TPTE2: variants seen among roughly 807,000 people sequenced by gnomAD.
TPTE2 encodes phosphatidylinositol 3,4,5-trisphosphate 3-phosphatase TPTE2.
In TPTE2, 53 loss-of-function variants were observed where a neutral mutation model predicts 78.6. The ratio of observed to expected loss-of-function variants is 0.67; its 90% CI spans 0.54 to 0.85. The LOEUF (loss-of-function observed/expected upper bound fraction) is 0.85, where lower values mean the gene tolerates loss of function less well. Among genes scored for constraint, TPTE2 ranks in the 40% least tolerant of loss-of-function variants. The probability of loss-of-function intolerance (pLI) is 0.00; values close to 1 mark genes in which losing one functional copy is unlikely to be tolerated. For synonymous variants in TPTE2, 175 were observed against 206.2 expected, an observed-to-expected ratio of 0.85 and a Z score of 1.30; for missense variants, 461 against 623.0, an observed-to-expected ratio of 0.74 and a Z score of 2.77.
At chr13:19,552,255 A>C in the TPTE2 span, among the ~76,000 whole-genome samples, 1 of 152,216 alleles carries the variant, frequency 6.6e-6, no homozygotes, top group African/African-American at 2.4e-5. Context: ...ATATATAGAA[A>C]ATTCACCAAG....
intron 13 of TPTE2, among the ~76,000 whole-genome samples, chr13:19,445,015 T>C (rs1224786923): frequency 2.0e-5 from 3 of 152,122 alleles, no homozygotes; most frequent in African/African-American, 7.2e-5. Context: ...GAAAATATAG[T>C]AGTAAAATGT....
At chr13:19,496,348 G>T (rs1881309825) in intron 1 of TPTE2, among the ~76,000 whole-genome samples, 1 of 152,194 alleles carries the variant, frequency 6.6e-6, no homozygotes, top group African/African-American at 2.4e-5. Context: ...TACCACTGGA[G>T]CTGGCCAATG....
At chr13:19,489,593 G>GAT (rs1184538988) in intron 3 of TPTE2, among the ~76,000 whole-genome samples, 6 of 148,714 alleles carry the variant, frequency 4.0e-5, no homozygotes, top group Admixed American at 1.4e-4. Flanking sequence ...TGTATATATA[G>GAT]ATATATATAT....
chr13:19,558,985 G>C, the TPTE2 span, among the ~76,000 whole-genome samples: 1 of 151,990 alleles, frequency 6.6e-6, no homozygotes. Flanking sequence ...TCCTTATTTA[G>C]TACTTCTGAA....
chr13:19,443,397 C>CTTTTTTTTTTTTTTTTTTTCT (rs71092357), intron 13 of TPTE2, among the ~76,000 whole-genome samples: 6 of 129,896 alleles, frequency 4.6e-5, no homozygotes, highest in Non-Finnish European at 8.1e-5. Flanking sequence ...TTCTTTCTTT[C>CTTTTTTTTTTTTTTTTTTTCT]TTTTTTTTTT....
chr13:19,529,802 C>G (rs780609375), intron 1 of TPTE2, among the ~76,000 whole-genome samples: 16 of 152,114 alleles, frequency 1.1e-4, no homozygotes, highest in Non-Finnish European at 1.8e-4. Flanking sequence ...TTACTTCTCT[C>G]CTCAGTTGCT....
chr13:19,547,714 A>AATATAT, the TPTE2 span, among the ~76,000 whole-genome samples: 3 of 108,558 alleles, frequency 2.8e-5, no homozygotes, highest in Non-Finnish European at 5.2e-5. Flanking sequence ...CTAAGTAATA[A>AATATAT]ATATACATAT....
At chr13:19,525,710 G>A (rs1474700873) in intron 1 of TPTE2, among the ~76,000 whole-genome samples, 1 of 152,092 alleles carries the variant, frequency 6.6e-6, no homozygotes, top group Non-Finnish European at 1.5e-5. Context: ...CCTAATTAAA[G>A]AGCTTCTGCA....
At chr13:19,556,917 A>T in the TPTE2 span, among the ~76,000 whole-genome samples, 1 of 85,088 alleles carries the variant, frequency 1.2e-5, no homozygotes, top group South Asian at 4.4e-4. Context: ...AACCAAATTT[A>T]ATGTCAAGCA....
intron 6 of TPTE2, 88 bp downstream of exon 9, chr13:19,473,826 C>T: frequency 2.5e-6 from 3 of 1,193,976 alleles, no homozygotes; most frequent in Non-Finnish European, 3.4e-6. Context: ...GAACTCCTGA[C>T]CTTGGGATCC....
chr13:19,511,365 A>G (rs1871367499), intron 1 of TPTE2, among the ~76,000 whole-genome samples: 1 of 148,830 alleles, frequency 6.7e-6, no homozygotes, highest in Non-Finnish European at 1.5e-5. Context: ...ATTTAAAAAC[A>G]TATAGGCAAA....
chr13:19,430,524 G>C (rs1229305448), exon 17 of TPTE2: 9 of 1,610,352 alleles, frequency 5.6e-6, no homozygotes, highest in Non-Finnish European at 7.6e-6. Flanking sequence ...ATTACTACTT[G>C]GACTTTTAGA....
At chr13:19,438,493 G>C in intron 13 of TPTE2, 2 of 949,330 alleles carry the variant, frequency 2.1e-6, no homozygotes, top group Non-Finnish European at 2.5e-6. Context: ...ACCTCATTTA[G>C]TACATTAATA....
Position 19,465,458 on chromosome 13 carries a change from C to T in TPTE2, c.612+7G>A. 6.2e-7 allele frequency: 1 copy of T among 1,607,270 alleles called. No individual in the cohort carries two copies. Among genetic ancestry groups the T allele is most frequent in the Non-Finnish European group, 8.5e-7 (1 of 1,178,228 alleles). ...TTCTGAATCATAAGCATGTTTTGCC[C>T]ACTTACCAGCCTTCTCATCAGCTTT... On this transcript the variant is annotated splice_region_variant and intron_variant, in intron 8 of 19. Transcript: ENST00000400230.
intron 13 of TPTE2, among the ~76,000 whole-genome samples, chr13:19,441,496 A>G (rs1877491996): frequency 6.6e-6 from 1 of 152,242 alleles, no homozygotes. Flanking sequence ...AAATACAAGA[A>G]TCATCCTTTA....
At chr13:19,487,296 C>T (rs1236523863) in intron 3 of TPTE2, among the ~76,000 whole-genome samples, 1 of 152,064 alleles carries the variant, frequency 6.6e-6, no homozygotes, top group Non-Finnish European at 1.5e-5. Context: ...AAGGCCCACT[C>T]GGTGGTGTGC....
intron 1 of TPTE2, among the ~76,000 whole-genome samples, chr13:19,497,479 TG>T (rs1428539318): frequency 2.9e-5 from 3 of 104,740 alleles, no homozygotes; most frequent in Non-Finnish European, 6.7e-5. Context: ...CCTCCTCAAG[TG>T]GGTCCCTGAC....
intron 1 of TPTE2, among the ~76,000 whole-genome samples, chr13:19,524,800 G>A (rs1870397130): frequency 6.6e-6 from 1 of 152,050 alleles, no homozygotes; most frequent in Admixed American, 6.6e-5. Context: ...GAAAAAGTGG[G>A]GAGCGAGTTT....
At chr13:19,440,599 G>A (rs771131855) in intron 13 of TPTE2, among the ~76,000 whole-genome samples, 6 of 151,214 alleles carry the variant, frequency 4.0e-5, no homozygotes, top group African/African-American at 7.3e-5. Flanking sequence ...GTGAAACTCC[G>A]TCTTTACTAA....
Sources: gnomAD v4.1 joint callset for allele counts (sites outside exome capture counted in the v4.1 genomes callset) on GRCh38, gnomAD v4.1.1 for gene constraint, MANE v1.5 for transcripts, NCBI Gene and HGNC (gene_info 2026-07-23, HGNC 2026-07-21) for gene names.